Variants in SRP54 observed in about 807,000 individuals in gnomAD.
SRP54 encodes signal recognition particle subunit SRP54.
Under a neutral mutation model 64.8 loss-of-function variants are expected in SRP54, and 10 were observed. That is an observed-to-expected ratio of 0.15 (90% confidence interval 0.10 to 0.26). The LOEUF is 0.26. Ranked by LOEUF, SRP54 falls within the 10% of genes least tolerant of loss-of-function variation. The pLI is 1.00. For synonymous variants in SRP54, 193 were observed against 185.6 expected (o/e 1.04, Z -0.32); for missense variants, 325 against 613.7 (o/e 0.53, Z 4.97).
At chr14:35,006,712 A>G (rs1361248046) in intron 4 of SRP54, among the ~76,000 whole-genome samples, 2 of 152,154 alleles carry the variant, frequency 1.3e-5, no homozygotes, top group African/African-American at 2.4e-5. Flanking sequence ...TTGGTTTCAC[A>G]TTTTATACTC....
intron 13 of SRP54, among the ~76,000 whole-genome samples, chr14:35,019,675 C>T (rs1595011008): frequency 6.6e-6 from 1 of 152,154 alleles, no homozygotes; most frequent in African/African-American, 2.4e-5. Flanking sequence ...CTCTGTTCCC[C>T]TGACCCTATA....
intron 11 of SRP54, among the ~76,000 whole-genome samples, chr14:35,016,885 A>T (rs1319415602): frequency 9.4e-6 from 1 of 106,000 alleles, no homozygotes; most frequent in African/African-American, 3.7e-5. Flanking sequence ...ACAGAGTTTC[A>T]CTCTTGTTGC....
In SRP54 at chr14:35,029,141, A is replaced by G; in HGVS notation, c.1504A>G (p.Asn502Asp). The change falls in exon 16 of 16, where the codon AAT becomes GAT. Residue 502 changes from asparagine to aspartate, a missense_variant. By Grantham distance (23) the Asn-to-Asp change is conservative. Transcript: ENST00000216774. ...AGNMKGMMGF[N>D]NM Reference sequence around the variant, plus strand: ...CAACATGAAAGGCATGATGGGATTCAATAATATGTAAAGAAAATGCCTTAA... The same window carrying G: ...CAACATGAAAGGCATGATGGGATTCGATAATATGTAAAGAAAATGCCTTAA... 6.2e-7 allele frequency: 1 copy of G among 1,613,730 alleles called. No individual in the cohort carries two copies. Among genetic ancestry groups the G allele is most frequent in the Non-Finnish European group, 8.5e-7 (1 of 1,179,816 alleles).
intron 14 of SRP54, 98 bp downstream of exon 14, chr14:35,023,178 C>A: frequency 1.0e-6 from 1 of 973,362 alleles, no homozygotes; most frequent in Non-Finnish European, 1.5e-6. Context: ...AGCTGAATTT[C>A]ATGTTATTTT....
chr14:35,016,279 C>T (rs1474566421), intron 11 of SRP54, among the ~76,000 whole-genome samples: 2 of 152,196 alleles, frequency 1.3e-5, no homozygotes, highest in Non-Finnish European at 2.9e-5. Context: ...GATCCCATTA[C>T]TGCTTTTCTT....
In SRP54 at chr14:35,020,999, C is replaced by G. The variant is rs139040393; in HGVS notation, c.1157-1911C>G. ...GTGCTGCTATTAGTTTATCTTCTTT[C>G]ATTTGATTTGAGCTGTTGGAAGGAA... On this transcript the variant is annotated intron_variant, in intron 13 of 15. Transcript: ENST00000216774. Among the ~76,000 whole-genome samples the G allele has an allele frequency of 3.9e-5, 6 of 152,244 alleles. No homozygotes were observed. The East Asian group carries it at 1.2e-3, about 29-fold the overall frequency.
chr14:35,013,735 AT>A, intron 9 of SRP54, 66 bp from the exon 10 acceptor site: 1 of 1,429,256 alleles, frequency 7.0e-7, no homozygotes, highest in Non-Finnish European at 9.6e-7. Context: ...TTCACTTCGA[AT>A]TTCAGATCTG....
intron 1 of SRP54, among the ~76,000 whole-genome samples, chr14:34,987,808 T>G (rs540082382): frequency 6.6e-6 from 1 of 152,352 alleles, no homozygotes; most frequent in East Asian, 1.9e-4. Flanking sequence ...TGGCTAATAT[T>G]TTTTAATACT....
chr14:35,020,924 T>G (rs1439684841), intron 13 of SRP54, among the ~76,000 whole-genome samples: 3 of 152,204 alleles, frequency 2.0e-5, no homozygotes, highest in Non-Finnish European at 2.9e-5. Context: ...TTCTTTGAAT[T>G]AACGCCCCTT....
At chr14:35,016,770 A>G (rs929164254) in intron 11 of SRP54, among the ~76,000 whole-genome samples, 6 of 151,672 alleles carry the variant, frequency 4.0e-5, no homozygotes, top group African/African-American at 1.5e-4. Context: ...TCTGGCACAT[A>G]GTAGGCCTTC....
At chr14:35,010,188 C>T (rs951657779) in intron 7 of SRP54, among the ~76,000 whole-genome samples, 2 of 151,912 alleles carry the variant, frequency 1.3e-5, no homozygotes, top group African/African-American at 2.4e-5. Context: ...TGGCTCACAC[C>T]TGTAATCCCC....
intron 2 of SRP54, 22 bp downstream of exon 2, chr14:34,996,809 A>G (rs2044079830): frequency 6.7e-7 from 1 of 1,502,738 alleles, no homozygotes; most frequent in Non-Finnish European, 9.3e-7. Flanking sequence ...ATTGTATGAA[A>G]TATATATGAT....
At chr14:35,013,203 G>T in intron 8 of SRP54, 143 bp from the exon 9 acceptor site, 1 of 682,000 alleles carries the variant, frequency 1.5e-6, no homozygotes. Flanking sequence ...GATCCACCTG[G>T]CTCGGCCTCC....
At chr14:35,026,690 A>G (rs1472245539) in intron 14 of SRP54, among the ~76,000 whole-genome samples, 1 of 152,196 alleles carries the variant, frequency 6.6e-6, no homozygotes, top group Non-Finnish European at 1.5e-5. Context: ...TACGCCTGTA[A>G]TCCCAGCACT....
chr14:35,014,442 T>C (rs1217652268), intron 10 of SRP54, among the ~76,000 whole-genome samples: 3 of 151,978 alleles, frequency 2.0e-5, no homozygotes, highest in Non-Finnish European at 4.4e-5. Context: ...CAGGTCCAGC[T>C]AATTTTTTTT....
At chr14:35,014,290 T>TTTTTTTTTTTTTTTTTTTTGG (rs376712278) in intron 10 of SRP54, among the ~76,000 whole-genome samples, 2 of 127,282 alleles carry the variant, frequency 1.6e-5, no homozygotes, top group Admixed American at 1.7e-4. Context: ...TTTTTTTTTT[T>TTTTTTTTTTTTTTTTTTTTGG]TTTTGAGACG....
chr14:35,005,583 A>G (rs1045481881), intron 4 of SRP54, among the ~76,000 whole-genome samples: 4 of 151,716 alleles, frequency 2.6e-5, no homozygotes, highest in African/African-American at 4.8e-5. Flanking sequence ...ATTAGTAGAG[A>G]CAAGATCTTG....
In SRP54 at chr14:35,029,119, C is replaced by A. The variant is rs1312140320; in HGVS notation, c.1482C>A (p.Asn494Lys). The A allele has an allele frequency of 6.2e-7, 1 of 1,613,750 alleles. No homozygotes were observed. The highest frequency in any genetic ancestry group is 8.5e-7 in the Non-Finnish European group (1 of 1,179,888). ...MRQFQQGAAG[N>K]MKGMMGFNNM ...AGTTTCAACAGGGTGCTGCTGGCAA[C>A]ATGAAAGGCATGATGGGATTCAATA... Residue 494 changes from asparagine to lysine, a missense_variant, in exon 16 of 16, where the codon AAC (asparagine) becomes AAA (lysine). This residue lies in a region of SRP54 where 23 missense variants were observed against 21.7 expected (regional missense o/e 1.06). Transcript: ENST00000216774.
At chr14:35,011,802 T>C in intron 8 of SRP54, 143 bp downstream of exon 8, 1 of 621,144 alleles carries the variant, frequency 1.6e-6, no homozygotes, top group Non-Finnish European at 2.5e-6. Flanking sequence ...GGCACCTATA[T>C]CTATGTGGTA....
Sources: gnomAD v4.1 joint callset for allele counts (sites outside exome capture counted in the v4.1 genomes callset) on GRCh38, gnomAD v4.1.1 for gene constraint, gnomAD v4.1.1 regional missense constraint, MANE v1.5 for transcripts, NCBI Gene and HGNC (gene_info 2026-07-23, HGNC 2026-07-21) for gene names.